COL4A4: variants seen among roughly 807,000 people sequenced by gnomAD.
The protein encoded by COL4A4 is collagen type IV alpha 4 chain.
A neutral mutation model predicts 192.9 loss-of-function variants in COL4A4; 105 were observed. The observed-to-expected ratio is 0.54, with a 90% CI of 0.46 to 0.64. COL4A4 has a LOEUF of 0.64. Among genes scored for constraint, COL4A4 ranks in the 30% least tolerant of loss-of-function variants. COL4A4 has a pLI of 0.00. For synonymous variants in COL4A4, 762 were observed against 769.9 expected (o/e 0.99, Z 0.17); for missense variants, 1,967 against 2,169.3 (o/e 0.91, Z 1.85).
intron 8 of COL4A4, among the ~76,000 whole-genome samples, chr2:227,114,290 A>G (rs79569106): frequency 0.035 from 5,293 of 152,332 alleles, 301 homozygotes; most frequent in African/African-American, 0.12. Context: ...GCCAGAGGCC[A>G]GGGATTCTGC....
intron 25 of COL4A4, among the ~76,000 whole-genome samples, chr2:227,069,052 A>G (rs1228333358): frequency 4.5e-5 from 6 of 134,458 alleles, no homozygotes; most frequent in Non-Finnish European, 1.6e-5. Flanking sequence ...CAAAAATCAC[A>G]AGCATTCTTA....
chr2:226,987,824 G>A, the COL4A4 span, among the ~76,000 whole-genome samples: 1 of 152,316 alleles, frequency 6.6e-6, no homozygotes, highest in African/African-American at 2.4e-5. Flanking sequence ...TGAAGTTCCT[G>A]GGCTCCAACC....
intron 29 of COL4A4, 86 bp downstream of exon 29, chr2:227,057,353 G>C (rs1256586745): frequency 6.9e-7 from 1 of 1,456,614 alleles, no homozygotes; most frequent in African/African-American, 1.4e-5. Context: ...TCTTGCTTCT[G>C]GCAGCATCCA....
Position 227,059,545 on chromosome 2 carries a change from C to G in COL4A4, c.2243G>C (p.Gly748Ala), listed in dbSNP as rs1482809155. The change falls in exon 28 of 48, where the codon GGC becomes GCC. Residue 748 changes from glycine (G) to alanine (A), a missense_variant. By Grantham distance (60) the Gly-to-Ala change is moderately conservative. Coordinates refer to ENST00000396625, the MANE Select transcript of COL4A4 (RefSeq NM_000092.5). ...SSPVGPPGPPGSPGVNGQKGI... is the reference protein window; with the variant it reads ...SSPVGPPGPPASPGVNGQKGI... ...TTTCTGACCATTCACTCCTGGTGAG[C>G]CGGGAGGGCCTGGGGGCCCAACAGG... 1.2e-6 allele frequency: 2 copies of G among 1,614,026 alleles called. No individual in the cohort carries two copies. The highest frequency in any genetic ancestry group is 1.7e-6 in the Non-Finnish European group (2 of 1,180,026).
chr2:227,108,431 C>T, intron 12 of COL4A4, 150 bp downstream of exon 12: 1 of 756,770 alleles, frequency 1.3e-6, no homozygotes, highest in East Asian at 2.5e-5. Flanking sequence ...GGTAATGGTG[C>T]CATAATAATT....
At chr2:227,063,786 C>G (rs1977733624) in intron 25 of COL4A4, among the ~76,000 whole-genome samples, 1 of 151,244 alleles carries the variant, frequency 6.6e-6, no homozygotes, top group Non-Finnish European at 1.5e-5. Context: ...AGTATTATCT[C>G]AAAAGACTAT....
chr2:227,128,911 C>A (rs1356047817), intron 4 of COL4A4, among the ~76,000 whole-genome samples: 2 of 152,140 alleles, frequency 1.3e-5, no homozygotes, highest in East Asian at 3.9e-4. Context: ...TCCGCACACC[C>A]GCCAACCTTA....
intron 37 of COL4A4, among the ~76,000 whole-genome samples, chr2:227,039,757 G>T (rs143028193): frequency 6.6e-6 from 1 of 152,162 alleles, no homozygotes; most frequent in Non-Finnish European, 1.5e-5. Flanking sequence ...CAAAGAATAC[G>T]CCATGAAGGC....
chr2:227,066,148 A>T (rs2150347653), intron 25 of COL4A4, among the ~76,000 whole-genome samples: 1 of 152,292 alleles, frequency 6.6e-6, no homozygotes, highest in East Asian at 1.9e-4. Context: ...AAATGAAGCG[A>T]GAAGGGAAGT....
intron 16 of COL4A4, 81 bp downstream of exon 16, chr2:227,101,784 C>T (rs2060538120): frequency 8.4e-6 from 10 of 1,197,282 alleles, no homozygotes; most frequent in African/African-American, 1.5e-5. Flanking sequence ...TGTTTGCACG[C>T]AACAGTACAA....
intron 1 of COL4A4, among the ~76,000 whole-genome samples, chr2:227,153,143 G>C (rs1350852623): frequency 6.6e-6 from 1 of 152,146 alleles, no homozygotes; most frequent in East Asian, 1.9e-4. Context: ...ACCACCACAA[G>C]AACAGTATGG....
At chr2:227,120,009 G>A in intron 5 of COL4A4, 70 bp from the exon 6 acceptor site, 1 of 1,212,744 alleles carries the variant, frequency 8.2e-7, no homozygotes, top group Admixed American at 2.2e-5. Flanking sequence ...CTTGAAAATA[G>A]TAACAATTAA....
Position 227,160,544 on chromosome 2 carries a change from AC to A in COL4A4, c.-102+3462del, listed in dbSNP as rs903864271. Among the ~76,000 whole-genome samples the A allele has an allele frequency of 2.6e-5, 4 of 151,916 alleles. No individual in the cohort carries two copies. The East Asian group carries it at 7.8e-4, about 29-fold the overall frequency. On this transcript the variant is annotated intron_variant, in intron 1 of 47. Coordinates refer to ENST00000396625, the MANE Select transcript of COL4A4 (RefSeq NM_000092.5). ...CCTGAGTGGCTACAATAAACAGAGG[AC>A]CCCCACCCCATTCCCACCTCCCCAT...
At chr2:227,076,613 T>C (rs2059036477) in intron 25 of COL4A4, among the ~76,000 whole-genome samples, 1 of 152,084 alleles carries the variant, frequency 6.6e-6, no homozygotes. Flanking sequence ...CCAAAAGCAA[T>C]TGCAAAAGAA....
intron 20 of COL4A4, among the ~76,000 whole-genome samples, chr2:227,093,101 G>C (rs1051759048): frequency 6.6e-6 from 1 of 152,122 alleles, no homozygotes; most frequent in African/African-American, 2.4e-5. Flanking sequence ...AATTCTCACA[G>C]TGAAAAAATT....
chr2:226,995,826 T>G, the COL4A4 span: 4 of 353,268 alleles, frequency 1.1e-5, no homozygotes, highest in Admixed American at 1.4e-4. Flanking sequence ...TCGGTCTGCT[T>G]TTGAAGACTG....
chr2:227,128,133 C>G (rs545004669), intron 4 of COL4A4, among the ~76,000 whole-genome samples: 2 of 152,260 alleles, frequency 1.3e-5, no homozygotes, highest in South Asian at 2.1e-4. Flanking sequence ...TATTCAGGCT[C>G]TCACACCTAG....
At chr2:227,122,232 T>A (rs981617783) in intron 4 of COL4A4, among the ~76,000 whole-genome samples, 19 of 152,054 alleles carry the variant, frequency 1.2e-4, no homozygotes, top group African/African-American at 4.6e-4. Flanking sequence ...CCCGACCAGG[T>A]GCAGTGGCTC....
chr2:227,147,894 T>C (rs1034324267), intron 1 of COL4A4, among the ~76,000 whole-genome samples: 1 of 151,048 alleles, frequency 6.6e-6, no homozygotes, highest in Non-Finnish European at 1.5e-5. Context: ...CATTTTGCTA[T>C]GTGGAATTTT....
Sources: allele counts gnomAD v4.1 joint callset (sites outside exome capture counted in the v4.1 genomes callset), GRCh38; gene constraint gnomAD v4.1.1; transcripts MANE v1.5; gene names NCBI Gene and HGNC (gene_info 2026-07-23, HGNC 2026-07-21).